Variants in ITFG1 observed in about 807,000 individuals in gnomAD.
ITFG1 encodes the protein integrin alpha FG-GAP repeat containing 1, also known as T-cell immunomodulatory protein.
In ITFG1, 34 loss-of-function variants were observed where a neutral mutation model predicts 81.8. The observed-to-expected ratio is 0.42, with a 90% CI of 0.32 to 0.55. The LOEUF (loss-of-function observed/expected upper bound fraction) is 0.55, where lower values mean the gene tolerates loss of function less well. ITFG1 is among the 20% of genes least tolerant of loss of function. The pLI, the probability that ITFG1 is intolerant of heterozygous loss-of-function variation, is 0.17. For missense variants in ITFG1, 672 were observed against 755.4 expected (o/e 0.89, Z 1.29); for synonymous variants, 285 against 270.6 (o/e 1.05, Z -0.52).
intron 1 of ITFG1, among the ~76,000 whole-genome samples, chr16:47,459,722 A>G (rs1225181740): frequency 1.3e-5 from 2 of 152,190 alleles, no homozygotes; most frequent in Non-Finnish European, 2.9e-5. Flanking sequence ...CTCAATTAGC[A>G]CTCATTGAGA....
intron 10 of ITFG1, among the ~76,000 whole-genome samples, chr16:47,289,248 T>C (rs1484766124): frequency 6.6e-6 from 1 of 152,158 alleles, no homozygotes; most frequent in East Asian, 1.9e-4. Flanking sequence ...CTGAATTCAG[T>C]TTGTGAGTAT....
intron 6 of ITFG1, among the ~76,000 whole-genome samples, chr16:47,416,442 C>T (rs1019365990): frequency 6.6e-6 from 1 of 152,152 alleles, no homozygotes; most frequent in East Asian, 1.9e-4. Context: ...AGAATTTCAG[C>T]TAAAGCTTAT....
rs150918625 is a variant in ITFG1, at chr16:47,397,953, C to T, written c.656-22013G>A. On this transcript the variant is annotated intron_variant, in intron 6 of 17. Coordinates refer to ENST00000320640, the MANE Select transcript of ITFG1 (RefSeq NM_030790.5). ...TCACTGAGTTGGGAGGCTTTATATA[C>T]ACTTGGAGCCTTATCAATAATTTAT... Among the ~76,000 whole-genome samples the T allele has an allele frequency of 1.8e-3, 270 of 152,318 alleles. 1 individual carries two copies. The highest frequency in any genetic ancestry group is 2.8e-3 in the Non-Finnish European group (192 of 68,028).
At chr16:47,285,462 A>C (rs1216741328) in intron 10 of ITFG1, among the ~76,000 whole-genome samples, 1 of 152,176 alleles carries the variant, frequency 6.6e-6, no homozygotes, top group Non-Finnish European at 1.5e-5. Flanking sequence ...ATTAACTCAT[A>C]CCAAAGGAGG....
chr16:47,226,563 GT>G (rs1226758977), intron 13 of ITFG1, among the ~76,000 whole-genome samples: 1 of 127,514 alleles, frequency 7.8e-6, no homozygotes, highest in East Asian at 2.3e-4. Context: ...TGATGTTCCC[GT>G]TCCTGTGTCC....
At chr16:47,266,311 G>A (rs1282717788) in intron 10 of ITFG1, among the ~76,000 whole-genome samples, 6 of 152,032 alleles carry the variant, frequency 3.9e-5, no homozygotes, top group African/African-American at 9.7e-5. Flanking sequence ...TCTGCCTCCC[G>A]GGTTCATGTC....
chr16:47,255,357 C>T (rs556617630), intron 12 of ITFG1, among the ~76,000 whole-genome samples: 4 of 152,138 alleles, frequency 2.6e-5, no homozygotes, highest in East Asian at 1.9e-4. Context: ...TGAGAAATTA[C>T]GTAAATTAGA....
At chr16:47,333,700 T>C (rs1227340501) in intron 8 of ITFG1, among the ~76,000 whole-genome samples, 1 of 152,204 alleles carries the variant, frequency 6.6e-6, no homozygotes, top group East Asian at 1.9e-4. Context: ...TAGAGGTATG[T>C]TACCGTACTT....
intron 13 of ITFG1, among the ~76,000 whole-genome samples, chr16:47,221,486 C>T (rs1206366184): frequency 6.6e-6 from 1 of 152,096 alleles, no homozygotes; most frequent in Non-Finnish European, 1.5e-5. Context: ...TTCGGTTTGC[C>T]AGTATTTTTT....
intron 14 of ITFG1, among the ~76,000 whole-genome samples, chr16:47,215,015 T>C (rs1310833094): frequency 1.3e-5 from 2 of 152,052 alleles, no homozygotes; most frequent in African/African-American, 4.8e-5. Flanking sequence ...ATCTGGGATG[T>C]ACTCTGATCA....
At chr16:47,337,722 T>G (rs928586132) in intron 8 of ITFG1, among the ~76,000 whole-genome samples, 8 of 151,954 alleles carry the variant, frequency 5.3e-5, no homozygotes, top group Non-Finnish European at 1.2e-4. Flanking sequence ...AAAACACTCG[T>G]GTATGGTGAG....
At chr16:47,230,484 G>C (rs1030041260) in intron 13 of ITFG1, among the ~76,000 whole-genome samples, 5 of 152,104 alleles carry the variant, frequency 3.3e-5, no homozygotes, top group Admixed American at 6.5e-5. Context: ...AGGGGATGTG[G>C]GTTTCAGAAG....
At chr16:47,180,036 G>A (rs1438066209) in intron 14 of ITFG1, among the ~76,000 whole-genome samples, 2 of 152,132 alleles carry the variant, frequency 1.3e-5, no homozygotes, top group African/African-American at 4.8e-5. Context: ...ACAGAAAGAA[G>A]TTTCATTAAA....
chr16:47,359,306 T>C (rs1968079970), intron 8 of ITFG1, among the ~76,000 whole-genome samples: 1 of 152,208 alleles, frequency 6.6e-6, no homozygotes, highest in Admixed American at 6.5e-5. Flanking sequence ...TTTTGTCTTC[T>C]AACAGACATC....
chr16:47,260,561 A>C lies in ITFG1; in HGVS notation c.1205T>G (p.Phe402Cys). Residue 402 changes from phenylalanine (F) to cysteine (C), a missense_variant, in exon 11 of 18, where the codon TTT (phenylalanine) becomes TGT (cysteine). Transcript: ENST00000320640. ...QIKDAMVATF[F>C]DIYEDGILDI... ...TGAACTCACATCTTCGTAAATGTCA[A>C]AGAAGGTGGCAACCATGGCATCCTT... The C allele has an allele frequency of 6.2e-7, 1 of 1,614,166 alleles. No homozygotes were observed. The highest frequency in any genetic ancestry group is 8.5e-7 in the Non-Finnish European group (1 of 1,180,012).
chr16:47,247,483 T>A (rs1487123152), intron 12 of ITFG1, among the ~76,000 whole-genome samples: 1 of 152,126 alleles, frequency 6.6e-6, no homozygotes, highest in African/African-American at 2.4e-5. Flanking sequence ...AAGGCAAATA[T>A]CTGACACCAA....
At chr16:47,445,431 C>G (rs1969312993) in intron 5 of ITFG1, among the ~76,000 whole-genome samples, 1 of 152,038 alleles carries the variant, frequency 6.6e-6, no homozygotes, top group Non-Finnish European at 1.5e-5. Context: ...GCTAAGAACA[C>G]CTATGAAGCC....
At chr16:47,279,777 A>C (rs1189093836) in intron 10 of ITFG1, among the ~76,000 whole-genome samples, 9 of 152,150 alleles carry the variant, frequency 5.9e-5, no homozygotes, top group Non-Finnish European at 1.3e-4. Context: ...ATGTCTCACC[A>C]ATGGTCTTCT....
At chr16:47,174,612 C>CCA (rs1299156819) in intron 14 of ITFG1, among the ~76,000 whole-genome samples, 2 of 152,122 alleles carry the variant, frequency 1.3e-5, no homozygotes, top group Non-Finnish European at 2.9e-5. Context: ...CCTCCGCCTC[C>CCA]CACGTTCAAG....
Sources: allele counts gnomAD v4.1 joint callset (sites outside exome capture counted in the v4.1 genomes callset), GRCh38; gene constraint gnomAD v4.1.1; transcripts MANE v1.5; gene names NCBI Gene and HGNC (gene_info 2026-07-23, HGNC 2026-07-21).